Variants in ADNP2 observed in about 807,000 individuals in gnomAD.
ADNP2 encodes ADNP homeobox 2.
ADNP2 carries 8 observed loss-of-function variants against 16.4 expected under a neutral mutation model. The observed-to-expected ratio is 0.49, with a 90% CI of 0.29 to 0.88. ADNP2 has a LOEUF of 0.88. ADNP2 is among the 40% of genes least tolerant of loss of function. The pLI, the probability that ADNP2 is intolerant of heterozygous loss-of-function variation, is 0.09. For synonymous variants in ADNP2, 637 were observed against 545.8 expected, an observed-to-expected ratio of 1.17 and a Z score of -2.33; for missense variants, 1,397 against 1,395.1, an observed-to-expected ratio of 1.00 and a Z score of -0.02.
chr18:80,120,334 CTTT>C (rs71163859), intron 2 of ADNP2, among the ~76,000 whole-genome samples: 3 of 142,994 alleles, frequency 2.1e-5, no homozygotes, highest in Admixed American at 7.0e-5. Context: ...ATATTCTTTT[CTTT>C]TTTTTTTTTT....
At chr18:80,132,251 A>G (rs993159436) in intron 2 of ADNP2, among the ~76,000 whole-genome samples, 27 of 152,176 alleles carry the variant, frequency 1.8e-4, no homozygotes, top group African/African-American at 2.4e-5. Flanking sequence ...TGTCCTCTGT[A>G]TCCAGGGGTT....
At chr18:80,133,015 C>A in intron 2 of ADNP2, 88 bp from the exon 3 acceptor site, 1 of 964,958 alleles carries the variant, frequency 1.0e-6, no homozygotes, top group Non-Finnish European at 1.6e-6. Context: ...ACCACTATGC[C>A]CGGCCTTATA....
At chr18:80,126,771 T>C (rs1224473374) in intron 2 of ADNP2, among the ~76,000 whole-genome samples, 1 of 152,176 alleles carries the variant, frequency 6.6e-6, no homozygotes, top group Non-Finnish European at 1.5e-5. Flanking sequence ...GTGGCATCAT[T>C]TCTTCAACTA....
rs556016965 is a variant in ADNP2 at position 80,136,740 on chromosome 18, G to A, written c.1327G>A (p.Ala443Thr). Reference sequence around the variant, plus strand: ...GCCAGGGGTGCTTTCTGTGAGTCGGGCGGTCCCGTCTGGAGTCCTTCCTGC... The same window carrying A: ...GCCAGGGGTGCTTTCTGTGAGTCGGACGGTCCCGTCTGGAGTCCTTCCTGC... ...VSPGVLSVSR[A>T]VPSGVLPAGQ... The change falls in exon 4 of 4, where the codon GCG (alanine) becomes ACG (threonine). Residue 443 changes from alanine (A) to threonine (T), a missense_variant. By Grantham distance (58) the Ala-to-Thr change is moderately conservative. Coordinates refer to ENST00000262198, the MANE Select transcript of ADNP2 (RefSeq NM_014913.4). The A allele has an allele frequency of 5.0e-5, 80 of 1,612,982 alleles. No homozygotes were observed. The South Asian group carries it at 5.4e-4, about 11-fold the overall frequency.
intron 2 of ADNP2, among the ~76,000 whole-genome samples, chr18:80,130,150 A>G (rs999195962): frequency 1.3e-5 from 2 of 152,208 alleles, no homozygotes; most frequent in Non-Finnish European, 2.9e-5. Context: ...CTGATGCTCA[A>G]ATGTTACAAC....
At chr18:80,127,340 T>TTTG (rs1491362681) in intron 2 of ADNP2, among the ~76,000 whole-genome samples, 4 of 4,394 alleles carry the variant, frequency 9.1e-4, no homozygotes, top group Non-Finnish European at 2.1e-3. Flanking sequence ...GTTTTTTCAG[T>TTTG]TTTTTTTTTT....
At chr18:80,119,711 C>T (rs185860479) in intron 2 of ADNP2, among the ~76,000 whole-genome samples, 2 of 152,296 alleles carry the variant, frequency 1.3e-5, no homozygotes, top group Non-Finnish European at 2.9e-5. Context: ...ATATCTAAAC[C>T]CTGCTGCACA....
Position 80,138,816 on chromosome 18 carries a change from C to CAAAAA in ADNP2, c.*17_*21dup. On this transcript the variant is annotated 3_prime_UTR_variant, in exon 4 of 4. Coordinates refer to ENST00000262198, the MANE Select transcript of ADNP2 (RefSeq NM_014913.4). The stretch of plus-strand genomic sequence containing the variant: ...CTTTGAATATGAACCATAAAACTTG[C>CAAAAA]AAAAAAAAAAAAAAGTAACTCTAAA... 1 of 1,227,394 alleles carries CAAAAA rather than the reference C, an allele frequency of 8.1e-7. No individual in the cohort carries two copies. The highest frequency in any genetic ancestry group is 1.1e-6 in the Non-Finnish European group (1 of 926,608). The allele number at this position is 1,227,394 out of a possible 1,614,324, so 76.0% of individuals were successfully genotyped here. A position where few individuals can be genotyped will look rare whatever the true frequency, so the allele number is the denominator to read the frequency against.
intron 1 of ADNP2, among the ~76,000 whole-genome samples, chr18:80,115,199 A>G (rs1406896970): frequency 6.6e-6 from 1 of 152,068 alleles, no homozygotes; most frequent in Non-Finnish European, 1.5e-5. Context: ...ATATGCCCAC[A>G]TTGTCTCGTA....
intron 2 of ADNP2, among the ~76,000 whole-genome samples, chr18:80,128,643 C>T (rs1409564938): frequency 1.3e-5 from 2 of 151,958 alleles, no homozygotes; most frequent in Non-Finnish European, 2.9e-5. Flanking sequence ...GAGCAAGACC[C>T]CGTCTCAAAA....
chr18:80,124,338 A>G (rs2052444503), intron 2 of ADNP2, among the ~76,000 whole-genome samples: 1 of 152,106 alleles, frequency 6.6e-6, no homozygotes, highest in African/African-American at 2.4e-5. Flanking sequence ...TGTGTTTCTG[A>G]CTGACTGGCT....
In ADNP2 at chr18:80,126,621, C is replaced by G. The variant is rs545340103; in HGVS notation, c.109-6482C>G. Among the ~76,000 whole-genome samples the G allele has an allele frequency of 2.0e-5, 3 of 152,196 alleles. No individual in the cohort carries two copies. In the South Asian group the frequency reaches 6.2e-4, roughly 32 times the overall value. The stretch of plus-strand genomic sequence containing the variant: ...TTTTTTCCAACAATATGTTTTCTGT[C>G]ATTTTTGTTCCTCTCTGTATTTTTA... On this transcript the variant is annotated intron_variant, in intron 2 of 3. Coordinates refer to ENST00000262198, the MANE Select transcript of ADNP2 (RefSeq NM_014913.4).
At chr18:80,134,856 GGGTA>G in intron 3 of ADNP2, among the ~76,000 whole-genome samples, 1 of 152,098 alleles carries the variant, frequency 6.6e-6, no homozygotes, top group African/African-American at 2.4e-5. Flanking sequence ...ATAGTTTATT[GGGTA>G]CCTGCATGGG....
rs753606880 is a variant in ADNP2, at chr18:80,136,254, A to C, written c.841A>C (p.Ser281Arg). ...ACATTTGGCTGCACCAGCAAATGGC[A>C]GTGCTCCAAGCGCTCCAGCGCAGCC... is the stretch of plus-strand genomic sequence containing the variant. The part of the protein sequence containing the change: ...AAHLAAPANG[S>R]APSAPAQPPC... Residue 281 changes from serine to arginine, a missense_variant, in exon 4 of 4, where the codon AGT (serine) becomes CGT (arginine). By Grantham distance (110) the Ser-to-Arg change is moderately radical. This residue lies in a region of ADNP2 where 777 missense variants were observed against 719.4 expected (regional missense o/e 1.08). Coordinates refer to ENST00000262198, the MANE Select transcript of ADNP2 (RefSeq NM_014913.4). 4 of 1,614,202 alleles carry C rather than the reference A, an allele frequency of 2.5e-6. No individual in the cohort carries two copies. The highest frequency in any genetic ancestry group is 3.4e-6 in the Non-Finnish European group (4 of 1,180,008).
intron 2 of ADNP2, among the ~76,000 whole-genome samples, chr18:80,127,347 T>G (rs1157613001): frequency 3.3e-5 from 5 of 150,084 alleles, no homozygotes; most frequent in African/African-American, 1.2e-4. Flanking sequence ...CAGTTTTTTT[T>G]TTTTTTTTTT....
At chr18:80,129,101 TTTTG>T (rs2052479252) in intron 2 of ADNP2, among the ~76,000 whole-genome samples, 3 of 87,774 alleles carry the variant, frequency 3.4e-5, no homozygotes, top group African/African-American at 4.3e-5. Flanking sequence ...AGAACTTTTT[TTTTG>T]TTTTTTTTTT....
chr18:80,112,400 T>G (rs549860809), intron 1 of ADNP2, among the ~76,000 whole-genome samples: 16 of 151,870 alleles, frequency 1.1e-4, no homozygotes, highest in African/African-American at 3.6e-4. Context: ...TATCCTTTGT[T>G]GGTTTCCCTA....
chr18:80,116,635 A>AT (rs545076358), intron 1 of ADNP2, among the ~76,000 whole-genome samples: 27 of 150,088 alleles, frequency 1.8e-4, no homozygotes, highest in Admixed American at 6.0e-4. Context: ...GATGTTGAGC[A>AT]TTTTTTTTTG....
At chr18:80,111,307 T>A (rs1344634135) in intron 1 of ADNP2, among the ~76,000 whole-genome samples, 2 of 152,238 alleles carry the variant, frequency 1.3e-5, no homozygotes, top group East Asian at 1.9e-4. Flanking sequence ...GTTTTGCATG[T>A]ATTAACTCAT....
Sources: allele counts gnomAD v4.1 joint callset (sites outside exome capture counted in the v4.1 genomes callset), GRCh38; gene constraint gnomAD v4.1.1; regional missense constraint gnomAD v4.1.1; transcripts MANE v1.5; gene names NCBI Gene and HGNC (gene_info 2026-07-23, HGNC 2026-07-21).